The following CDH5 variants were observed in gnomAD, a reference collection of about 807,000 sequenced individuals.
CDH5 encodes cadherin 5, also known as cadherin-5.
CDH5 carries 28 observed loss-of-function variants against 62.0 expected under a neutral mutation model. The observed-to-expected ratio is 0.45, with a 90% CI of 0.33 to 0.62. CDH5 has a LOEUF of 0.62. CDH5 is among the 20% of genes least tolerant of loss of function. The pLI is 0.02. For missense variants in CDH5, 940 were observed against 1,065.1 expected (o/e 0.88, Z 1.63); for synonymous variants, 464 against 445.8 (o/e 1.04, Z -0.52).
intron 7 of CDH5, 90 bp from the exon 8 acceptor site, chr16:66,395,969 A>G: frequency 7.5e-7 from 1 of 1,337,072 alleles, no homozygotes; most frequent in Non-Finnish European, 1.0e-6. Flanking sequence ...GATGCAGGGG[A>G]CAGATGCAGA....
At chr16:66,388,163 G>A (rs941364418) in intron 3 of CDH5, among the ~76,000 whole-genome samples, 161 bp from the exon 4 acceptor site, 2 of 151,980 alleles carry the variant, frequency 1.3e-5, no homozygotes, top group Non-Finnish European at 2.9e-5. Context: ...CCAGCACTTT[G>A]CCCCCATGCA....
At chr16:66,381,859 T>C (rs1960904745) in intron 2 of CDH5, among the ~76,000 whole-genome samples, 1 of 152,248 alleles carries the variant, frequency 6.6e-6, no homozygotes, top group African/African-American at 2.4e-5. Context: ...AGTTGAGTGG[T>C]GGTGACAAAG....
chr16:66,397,192 T>G (rs1036286546), intron 8 of CDH5, among the ~76,000 whole-genome samples: 5 of 152,210 alleles, frequency 3.3e-5, no homozygotes, highest in African/African-American at 7.2e-5. Context: ...TACTTAACCT[T>G]ATTCCAGAAC....
intron 1 of CDH5, among the ~76,000 whole-genome samples, chr16:66,378,481 G>C (rs1960823126): frequency 2.6e-5 from 4 of 152,184 alleles, no homozygotes; most frequent in Admixed American, 2.0e-4. Flanking sequence ...TTGAAACAGT[G>C]CCAGGCAAAA....
intron 7 of CDH5, chr16:66,395,361 G>A (rs1434481643): frequency 1.4e-5 from 2 of 142,746 alleles, no homozygotes; most frequent in African/African-American, 5.1e-5. Flanking sequence ...ACTCTTTTCA[G>A]TTTCTTCACA....
At position 66,398,305 on chromosome 16, in the gene CDH5, A is replaced by G. The variant is rs952252545; in HGVS notation, c.1486-151A>G. On this transcript the variant is annotated intron_variant, in intron 9 of 11. Transcript: ENST00000341529. Reference sequence around the variant, plus strand: ...AGATTGGCGGGGCAGGGAAGTAGAAAGAATGGCTTTATGAAGAACTAAATA... The same window carrying G: ...AGATTGGCGGGGCAGGGAAGTAGAAGGAATGGCTTTATGAAGAACTAAATA... The G allele has an allele frequency of 6.5e-6, 5 of 775,188 alleles. No individual in the cohort carries two copies. The African/African-American group carries it at 8.6e-5, about 13-fold the overall frequency. The allele number at this position is 775,188 out of a possible 1,614,324, so 48.0% of individuals were successfully genotyped here.
chr16:66,373,121 C>A (rs1010768181), intron 1 of CDH5, among the ~76,000 whole-genome samples: 2 of 152,186 alleles, frequency 1.3e-5, no homozygotes, highest in African/African-American at 4.8e-5. Context: ...CCAAAATCCT[C>A]AGACCCTCTG....
chr16:66,367,646 G>A (rs931876514), intron 1 of CDH5, among the ~76,000 whole-genome samples: 2 of 152,154 alleles, frequency 1.3e-5, no homozygotes, highest in Non-Finnish European at 2.9e-5. Context: ...GGATGGTGTG[G>A]GGCTCATTAT....
intron 7 of CDH5, chr16:66,395,503 C>CTTTTTTTTTTTTTTTTTTTTTGTTTT (rs1961166194): frequency 2.5e-5 from 2 of 80,950 alleles, no homozygotes; most frequent in African/African-American, 5.1e-5. Context: ...CTTTTCTTTT[C>CTTTTTTTTTTTTTTTTTTTTTGTTTT]TTTTTTTTTT....
rs780850010 is a variant in CDH5, at chr16:66,388,306, A to G, written c.500-18A>G. 47 of 1,554,114 alleles carry G rather than the reference A, an allele frequency of 3.0e-5. No individual in the cohort carries two copies. The highest frequency in any genetic ancestry group is 3.6e-5 in the Non-Finnish European group (40 of 1,125,630). On this transcript the variant is annotated intron_variant, in intron 3 of 11. Transcript: ENST00000341529. ...CTAGCAGTCACAAGTCAGCAACCCCAGGATTCTCTCTCTGCAGGGACCTCA... is the reference window on the plus strand; with the variant it reads ...CTAGCAGTCACAAGTCAGCAACCCCGGGATTCTCTCTCTGCAGGGACCTCA...
At chr16:66,392,015 G>C in intron 6 of CDH5, 121 bp from the exon 7 acceptor site, 1 of 1,204,912 alleles carries the variant, frequency 8.3e-7, no homozygotes, top group Non-Finnish European at 1.2e-6. Flanking sequence ...CGAGGCCATG[G>C]GCCCCTCATC....
chr16:66,375,845 C>T (rs13337009), intron 1 of CDH5, among the ~76,000 whole-genome samples: 48,052 of 151,190 alleles, frequency 0.32, 7,930 homozygotes, highest in Admixed American at 0.38. Context: ...CGGTGGCTCA[C>T]GCCTGCAATC....
chr16:66,402,485 G>T (rs1961301859), intron 11 of CDH5, among the ~76,000 whole-genome samples, 167 bp from the exon 12 acceptor site: 1 of 113,078 alleles, frequency 8.8e-6, no homozygotes, highest in Non-Finnish European at 1.9e-5. Flanking sequence ...GGTTGCAGGG[G>T]AAGGGGGGCC....
At chr16:66,372,427 G>A (rs948794454) in intron 1 of CDH5, among the ~76,000 whole-genome samples, 10 of 152,222 alleles carry the variant, frequency 6.6e-5, no homozygotes, top group African/African-American at 2.2e-4. Context: ...GCAAGTGCAC[G>A]GGCAGGGAGG....
intron 2 of CDH5, 123 bp from the exon 3 acceptor site, chr16:66,386,686 C>A (rs902702392): frequency 6.2e-6 from 5 of 809,728 alleles, no homozygotes; most frequent in African/African-American, 1.7e-5. Context: ...GGGACCCTGG[C>A]CAGCACCACA....
rs538397572 is a variant in CDH5, at chr16:66,394,900, G to C, written c.1218-1159G>C. ...GGTTCTTCCTCTGTCACCCAGGCTA[G>C]AGTGCAGTGGCACAACCATAGCTCA... On this transcript the variant is annotated intron_variant, in intron 7 of 11. Coordinates refer to ENST00000341529, the MANE Select transcript of CDH5 (RefSeq NM_001795.5). 2.6e-5 allele frequency among the ~76,000 whole-genome samples: 4 copies of C among 151,778 alleles called. No individual in the cohort carries two copies. The East Asian group carries it at 5.8e-4, about 22-fold the overall frequency.
At chr16:66,373,238 A>G (rs1960724231) in intron 1 of CDH5, among the ~76,000 whole-genome samples, 1 of 152,150 alleles carries the variant, frequency 6.6e-6, no homozygotes, top group Non-Finnish European at 1.5e-5. Flanking sequence ...GAAACAGGCT[A>G]AAATGAAAAA....
Position 66,396,102 on chromosome 16 carries a change from G to T in CDH5, c.1261G>T (p.Val421Phe). 6.2e-7 allele frequency: 1 copy of T among 1,613,948 alleles called. No individual in the cohort carries two copies. The highest frequency in any genetic ancestry group is 8.5e-7 in the Non-Finnish European group (1 of 1,179,956). The change falls in exon 8 of 12, where the codon GTC becomes TTC. Residue 421 changes from valine (V) to phenylalanine (F), a missense_variant. Val to Phe is a conservative substitution (Grantham distance 50). Coordinates refer to ENST00000341529, the MANE Select transcript of CDH5 (RefSeq NM_001795.5). ...CAGTGACAAGGGCCAGTTCTTCCGA[G>T]TCACAAAAAAGGGGGACATTTACAA... ...RTSDKGQFFR[V>F]TKKGDIYNEK...
chr16:66,384,661 C>CAAAAAA (rs10630303), intron 2 of CDH5, among the ~76,000 whole-genome samples: 5 of 101,578 alleles, frequency 4.9e-5, no homozygotes, highest in African/African-American at 1.2e-4. Context: ...GTACCTGTCT[C>CAAAAAA]AAAAAAAAAA....
Sources: gnomAD v4.1 joint callset for allele counts (sites outside exome capture counted in the v4.1 genomes callset) on GRCh38, gnomAD v4.1.1 for gene constraint, MANE v1.5 for transcripts, NCBI Gene and HGNC (gene_info 2026-07-23, HGNC 2026-07-21) for gene names.